The following PRKN variants were observed in gnomAD, a reference collection of about 807,000 sequenced individuals.
PRKN encodes the protein E3 ubiquitin-protein ligase parkin.
PRKN carries 56 observed loss-of-function variants against 59.5 expected under a neutral mutation model. That is an observed-to-expected ratio of 0.94 (90% CI 0.76 to 1.18). The LOEUF (loss-of-function observed/expected upper bound fraction) is 1.18. PRKN is among the 50% of genes most tolerant of loss of function. The probability of loss-of-function intolerance (pLI) is 0.00; values close to 1 mark genes in which losing one functional copy is unlikely to be tolerated. For missense variants in PRKN, 657 were observed against 596.4 expected (o/e 1.10, Z -1.06); for synonymous variants, 250 against 222.1 (o/e 1.13, Z -1.12).
chr6:161,783,728 A>C (rs1263593096), intron 7 of PRKN: 1 of 484,534 alleles, frequency 2.1e-6, no homozygotes, highest in African/African-American at 2.0e-5. Context: ...AGAGTTTTCC[A>C]ATCTGTAAAT....
At chr6:162,096,705 C>T (rs1779750723) in intron 4 of PRKN, among the ~76,000 whole-genome samples, 1 of 151,678 alleles carries the variant, frequency 6.6e-6, no homozygotes, top group South Asian at 2.1e-4. Context: ...TAAGATGTGC[C>T]TTTGCCTTTC....
chr6:161,522,248 C>A (rs765820121), intron 9 of PRKN, among the ~76,000 whole-genome samples: 6 of 152,158 alleles, frequency 3.9e-5, no homozygotes, highest in African/African-American at 9.7e-5. Context: ...GTGTGAAGGG[C>A]TGACTCCCCA....
At chr6:162,405,075 G>A (rs1787991349) in intron 2 of PRKN, among the ~76,000 whole-genome samples, 1 of 152,124 alleles carries the variant, frequency 6.6e-6, no homozygotes, top group Non-Finnish European at 1.5e-5. Flanking sequence ...TTCACAATAT[G>A]CCCCGCTCAG....
At chr6:161,472,478 C>T (rs930413292) in intron 9 of PRKN, among the ~76,000 whole-genome samples, 1 of 152,040 alleles carries the variant, frequency 6.6e-6, no homozygotes, top group Non-Finnish European at 1.5e-5. Context: ...ATGAATTGAA[C>T]CCTTAGCTTG....
intron 2 of PRKN, among the ~76,000 whole-genome samples, chr6:162,296,059 T>G (rs1321254203): frequency 6.6e-6 from 1 of 152,184 alleles, no homozygotes; most frequent in Non-Finnish European, 1.5e-5. Context: ...TATCTGGGAT[T>G]TGTTCATTTT....
Position 162,644,241 on chromosome 6 carries a change from C to T in PRKN, c.7+83421G>A, listed in dbSNP as rs149718492. Among the ~76,000 whole-genome samples, 538 of 152,238 alleles carry T rather than the reference C, an allele frequency of 3.5e-3. 4 individuals carry two copies. Among genetic ancestry groups the T allele is most frequent in the African/African-American group, 0.012 (519 of 41,554 alleles). On this transcript the variant is annotated intron_variant, in intron 1 of 11. Transcript: ENST00000366898. ...GCCACCCAGATATGGCTACTAAGCC[C>T]CACCCTCACAGTCCACACCATCCTC...
rs1286177116 is a variant in PRKN, at chr6:161,350,070, T to G, written c.*29A>C. On this transcript the variant is annotated 3_prime_UTR_variant, in exon 12 of 12. Transcript: ENST00000366898. ...AGACACTGGGTATGCTCCCCCAGGA[T>G]GTGGCGATGGGGCGCCCGGCCGCCC... 1 of 1,377,202 alleles carries G rather than the reference T, an allele frequency of 7.3e-7. No homozygotes were observed. Among genetic ancestry groups the G allele is most frequent in the East Asian group, 2.3e-5 (1 of 43,528 alleles). 85.3% of individuals were successfully genotyped at this position (1,377,202 alleles called of 1,614,324 possible). A position where few individuals can be genotyped will look rare whatever the true frequency, so the allele number is the denominator to read the frequency against.
chr6:161,580,172 C>A (rs1261828820), intron 7 of PRKN, among the ~76,000 whole-genome samples: 1 of 152,148 alleles, frequency 6.6e-6, no homozygotes, highest in African/African-American at 2.4e-5. Context: ...TTTGATTGCC[C>A]AGATCTTTGC....
At chr6:162,477,019 A>G (rs1792057088) in intron 1 of PRKN, among the ~76,000 whole-genome samples, 1 of 152,104 alleles carries the variant, frequency 6.6e-6, no homozygotes, top group Non-Finnish European at 1.5e-5. Flanking sequence ...AAGTGCAGCA[A>G]CTCTGACTGA....
At chr6:161,639,110 T>G (rs1172652648) in intron 7 of PRKN, among the ~76,000 whole-genome samples, 1 of 152,178 alleles carries the variant, frequency 6.6e-6, no homozygotes, top group Non-Finnish European at 1.5e-5. Flanking sequence ...AAGGACATGT[T>G]TGCTTTCCCT....
intron 4 of PRKN, among the ~76,000 whole-genome samples, chr6:162,066,701 A>G (rs150349224): frequency 5.9e-5 from 9 of 152,312 alleles, no homozygotes; most frequent in African/African-American, 2.2e-4. Context: ...TGGGGCCTTG[A>G]TCCAGAATTG....
At chr6:162,557,975 T>G (rs1289716937) in intron 1 of PRKN, among the ~76,000 whole-genome samples, 1 of 152,196 alleles carries the variant, frequency 6.6e-6, no homozygotes, top group Non-Finnish European at 1.5e-5. Flanking sequence ...AAACTTGTAA[T>G]TTTTGCCCAG....
chr6:161,920,613 C>T lies in PRKN; in HGVS notation c.734+52689G>A, dbSNP rs140022955. Among the ~76,000 whole-genome samples the T allele has an allele frequency of 3.4e-3, 517 of 151,222 alleles. 4 individuals carry two copies. The highest frequency in any genetic ancestry group is 0.012 in the African/African-American group (491 of 41,274). On this transcript the variant is annotated intron_variant, in intron 6 of 11. Transcript: ENST00000366898. ...CATCCTGGCCAACATGGTGAAACCC[C>T]GTCTCGTCTCTACTAAAAATACAAA...
chr6:161,757,177 G>A (rs1788962195), intron 7 of PRKN, among the ~76,000 whole-genome samples: 1 of 152,150 alleles, frequency 6.6e-6, no homozygotes, highest in African/African-American at 2.4e-5. Context: ...GTTAGGCAAA[G>A]ATTTCTTAGG....
At chr6:161,886,533 C>T (rs1795153730) in intron 6 of PRKN, among the ~76,000 whole-genome samples, 1 of 151,902 alleles carries the variant, frequency 6.6e-6, no homozygotes, top group Non-Finnish European at 1.5e-5. Context: ...CCCGTCTCTA[C>T]TAACAATACA....
At chr6:162,412,721 CT>C (rs1206454279) in intron 2 of PRKN, among the ~76,000 whole-genome samples, 3 of 152,066 alleles carry the variant, frequency 2.0e-5, no homozygotes, top group South Asian at 4.1e-4. Context: ...TTAAATTTTA[CT>C]GCTTATCTTT....
chr6:161,712,925 A>G (rs1020379972), intron 7 of PRKN, among the ~76,000 whole-genome samples: 5 of 152,222 alleles, frequency 3.3e-5, no homozygotes, highest in South Asian at 2.1e-4. Context: ...CCAACTGGGT[A>G]TCCTATAATT....
intron 7 of PRKN, among the ~76,000 whole-genome samples, chr6:161,571,711 C>T (rs1487683706): frequency 6.6e-6 from 1 of 152,004 alleles, no homozygotes; most frequent in African/African-American, 2.4e-5. Flanking sequence ...AAGGGGTGCC[C>T]AGATAGCTGA....
intron 4 of PRKN, among the ~76,000 whole-genome samples, chr6:162,200,019 T>A (rs914415410): frequency 6.6e-5 from 10 of 152,170 alleles, no homozygotes; most frequent in South Asian, 4.1e-4. Context: ...TGAACTGTCC[T>A]CAATAGCGTT....
Sources: allele counts gnomAD v4.1 joint callset (sites outside exome capture counted in the v4.1 genomes callset), GRCh38; gene constraint gnomAD v4.1.1; transcripts MANE v1.5; gene names NCBI Gene and HGNC (gene_info 2026-07-23, HGNC 2026-07-21).